Variants in FABP12 observed in about 807,000 individuals in gnomAD.
FABP12 encodes the protein fatty acid-binding protein 12.
Under a neutral mutation model 13.7 loss-of-function variants are expected in FABP12, and 19 were observed. The observed-to-expected ratio is 1.39, with a 90% CI of 0.97 to 2.04. FABP12 has a LOEUF of 2.04. FABP12 is among the 30% of genes most tolerant of loss of function. The probability of loss-of-function intolerance (pLI) is 0.00; values close to 1 mark genes in which losing one functional copy is unlikely to be tolerated. For missense variants in FABP12, 182 were observed against 164.2 expected (o/e 1.11, Z -0.59); for synonymous variants, 61 against 57.0 (o/e 1.07, Z -0.32).
intron 1 of FABP12, among the ~76,000 whole-genome samples, chr8:81,578,940 T>C (rs1339880053): frequency 1.3e-5 from 2 of 149,484 alleles, no homozygotes; most frequent in Non-Finnish European, 3.0e-5. Flanking sequence ...GCCATTCTCC[T>C]GCCTCAGCCT....
At chr8:81,543,739 T>G (rs1809390579) in intron 1 of FABP12, among the ~76,000 whole-genome samples, 2 of 152,180 alleles carry the variant, frequency 1.3e-5, no homozygotes, top group Admixed American at 1.3e-4. Context: ...TAATTTCAAT[T>G]TATCTAAAAT....
At chr8:81,553,688 C>T (rs574175536) in intron 1 of FABP12, among the ~76,000 whole-genome samples, 1 of 152,234 alleles carries the variant, frequency 6.6e-6, no homozygotes, top group African/African-American at 2.4e-5. Flanking sequence ...ACTATTCTAC[C>T]CTGTGTCTCA....
intron 1 of FABP12, among the ~76,000 whole-genome samples, chr8:81,561,959 A>C (rs1395094379): frequency 6.6e-6 from 1 of 152,178 alleles, no homozygotes; most frequent in African/African-American, 2.4e-5. Context: ...GTAAGCTACT[A>C]TCCAGGGTAT....
intron 1 of FABP12, among the ~76,000 whole-genome samples, chr8:81,586,493 T>C (rs747360415): frequency 3.3e-5 from 5 of 152,152 alleles, no homozygotes; most frequent in African/African-American, 1.2e-4. Context: ...CTCCACAACC[T>C]CACAAGAATC....
intron 4 of FABP12, 108 bp downstream of exon 4, chr8:81,526,907 TTAAAC>T (rs1332323163): frequency 1.6e-6 from 1 of 633,594 alleles, no homozygotes; most frequent in Admixed American, 3.3e-5. Context: ...TTCTCATTCT[TTAAAC>T]TATGAGAACA....
At chr8:81,551,055 C>G (rs1336163585) in intron 1 of FABP12, among the ~76,000 whole-genome samples, 1 of 152,278 alleles carries the variant, frequency 6.6e-6, no homozygotes, top group African/African-American at 2.4e-5. Flanking sequence ...AGAGCACTCT[C>G]TGCTATAATA....
At chr8:81,577,613 TA>T (rs901107591) in intron 1 of FABP12, among the ~76,000 whole-genome samples, 8 of 151,850 alleles carry the variant, frequency 5.3e-5, no homozygotes, top group African/African-American at 1.9e-4. Flanking sequence ...ACAAAAAAAT[TA>T]GCTGGGCATG....
exon 3 of FABP12, chr8:81,529,498 C>G: frequency 6.2e-7 from 1 of 1,613,922 alleles, no homozygotes; most frequent in South Asian, 1.1e-5. Context: ...TAAAGGAGAT[C>G]TCATTATTTT....
intron 1 of FABP12, chr8:81,533,013 G>A (rs779835118): frequency 6.6e-6 from 1 of 152,150 alleles, no homozygotes; most frequent in Non-Finnish European, 1.5e-5. Context: ...AGAAAATGTC[G>A]AATGTGCTGC....
chr8:81,545,266 C>T (rs758493837), intron 1 of FABP12, among the ~76,000 whole-genome samples: 6 of 152,090 alleles, frequency 3.9e-5, no homozygotes, highest in East Asian at 3.9e-4. Context: ...TAAAGGGCCT[C>T]GTGCTCCATT....
chr8:81,584,852 G>A (rs957676894), intron 1 of FABP12, among the ~76,000 whole-genome samples: 1 of 152,168 alleles, frequency 6.6e-6, no homozygotes, highest in Admixed American at 6.5e-5. Context: ...TAACTGGTGT[G>A]AGATGATATC....
At chr8:81,530,851 G>A (rs905569275) in intron 2 of FABP12, among the ~76,000 whole-genome samples, 1 of 152,178 alleles carries the variant, frequency 6.6e-6, no homozygotes, top group Non-Finnish European at 1.5e-5. Context: ...TTGGAGCATT[G>A]CTGGCACACA....
chr8:81,532,552 G>T (rs1333694146), intron 1 of FABP12, among the ~76,000 whole-genome samples: 3 of 152,218 alleles, frequency 2.0e-5, no homozygotes, highest in Admixed American at 1.3e-4. Flanking sequence ...GCCAGGTGCA[G>T]TGGTTCTTGC....
At chr8:81,570,238 TG>T (rs1265661887) in intron 1 of FABP12, among the ~76,000 whole-genome samples, 1 of 152,236 alleles carries the variant, frequency 6.6e-6, no homozygotes, top group African/African-American at 2.4e-5. Context: ...CTCCCAGGTC[TG>T]GGATCCCCAA....
In FABP12 at chr8:81,531,229, T is replaced by C; in HGVS notation, c.73+14A>G. On this transcript the variant is annotated intron_variant, in intron 2 of 4. Coordinates refer to ENST00000360464, the Ensembl canonical transcript of FABP12. ...ATTTTTACTGGATATGATATGCAAG[T>C]AAACATAGCTCACCCAGCTCCTTCA... 1.3e-6 allele frequency: 2 copies of C among 1,594,076 alleles called. No homozygotes were observed. The highest frequency in any genetic ancestry group is 1.7e-6 in the Non-Finnish European group (2 of 1,165,926).
intron 4 of FABP12, among the ~76,000 whole-genome samples, 153 bp downstream of exon 4, chr8:81,526,867 T>A (rs190323068): frequency 2.3e-4 from 35 of 152,336 alleles, no homozygotes; most frequent in Non-Finnish European, 3.8e-4. Context: ...TATATAATGC[T>A]TACGATTATA....
intron 1 of FABP12, among the ~76,000 whole-genome samples, chr8:81,557,833 T>C (rs1239227760): frequency 6.6e-6 from 1 of 152,210 alleles, no homozygotes; most frequent in Non-Finnish European, 1.5e-5. Context: ...TGTAAAATCA[T>C]TTAAATTTGG....
At chr8:81,539,282 G>A (rs1186669948) in intron 2 of FABP12, among the ~76,000 whole-genome samples, 1 of 151,538 alleles carries the variant, frequency 6.6e-6, no homozygotes, top group Non-Finnish European at 1.5e-5. Context: ...ATTCACCAAG[G>A]ATAAAGGTAA....
chr8:81,537,947 C>G (rs1159921147), upstream of FABP12, among the ~76,000 whole-genome samples: 1 of 152,102 alleles, frequency 6.6e-6, no homozygotes, highest in Non-Finnish European at 1.5e-5. Context: ...AGACTGGTAA[C>G]TTATAAAGAA....
Sources: gnomAD v4.1 joint callset for allele counts (sites outside exome capture counted in the v4.1 genomes callset) on GRCh38, gnomAD v4.1.1 for gene constraint, MANE v1.5 for transcripts, NCBI Gene and HGNC (gene_info 2026-07-23, HGNC 2026-07-21) for gene names.